Variants in GJC2 observed in about 807,000 individuals in gnomAD.
GJC2 encodes gap junction gamma-2 protein.
For missense variants in GJC2, 647 were observed against 648.9 expected, an observed-to-expected ratio of 1.00 and a Z score of 0.03; for synonymous variants, 336 against 307.5, an observed-to-expected ratio of 1.09 and a Z score of -0.97.
rs1052662598 is a variant in GJC2 at position 228,150,204 on chromosome 1, C to A, written c.-20+197C>A. Among the ~76,000 whole-genome samples the A allele has an allele frequency of 6.6e-6, 1 of 152,126 alleles. No individual in the cohort carries two copies. The highest frequency in any genetic ancestry group is 2.4e-5 in the African/African-American group (1 of 41,416). Reference sequence around the variant, plus strand: ...TGCTCCACGCAGATGGTGGGGTGGCCCCCCCACTCCATGTCTGTGTCCTTC... The same window carrying A: ...TGCTCCACGCAGATGGTGGGGTGGCACCCCCACTCCATGTCTGTGTCCTTC... On this transcript the variant is annotated intron_variant, in intron 1 of 1. Coordinates refer to ENST00000366714, the MANE Select transcript of GJC2 (RefSeq NM_020435.4). The surrounding 1 kb of genome is among the most constrained non-coding windows in gnomAD (Gnocchi z 4.6).
Position 228,159,473 on chromosome 1 carries a change from G to A in GJC2, c.*395G>A, listed in dbSNP as rs764340909. On this transcript the variant is annotated 3_prime_UTR_variant, in exon 2 of 2. Transcript: ENST00000366714. The surrounding 1 kb of genome is among the most constrained non-coding windows in gnomAD (Gnocchi z 4.0). ...TATGGGCATCAGTTGGTGGGGGTGCGGGGGTGCGTGTCCCCATTCCCTGCA... is the reference window on the plus strand; with the variant it reads ...TATGGGCATCAGTTGGTGGGGGTGCAGGGGTGCGTGTCCCCATTCCCTGCA... 5 of 220,878 alleles carry A rather than the reference G, an allele frequency of 2.3e-5. No homozygotes were observed. Among genetic ancestry groups the A allele is most frequent in the Non-Finnish European group, 4.9e-5 (5 of 102,082 alleles). 13.7% of individuals were successfully genotyped at this position (220,878 alleles called of 1,614,324 possible).
In GJC2 at chr1:228,152,816, C is replaced by T. The variant is rs1377604569; in HGVS notation, c.-20+2809C>T. 6.6e-6 allele frequency among the ~76,000 whole-genome samples: 1 copy of T among 152,070 alleles called. No individual in the cohort carries two copies. The highest frequency in any genetic ancestry group is 6.6e-5 in the Admixed American group (1 of 15,264). On this transcript the variant is annotated intron_variant, in intron 1 of 1. Coordinates refer to ENST00000366714, the MANE Select transcript of GJC2 (RefSeq NM_020435.4). The surrounding 1 kb of genome is among the most constrained non-coding windows in gnomAD (Gnocchi z 7.3). The stretch of plus-strand genomic sequence containing the variant: ...CAGCCTTCCCTGAGGCTGACCCTGC[C>T]TCACCACTCCCAGACCTGGGCCAGG...
At position 228,151,339 on chromosome 1, in the gene GJC2, C is replaced by T. The variant is rs2034613864; in HGVS notation, c.-20+1332C>T. Among the ~76,000 whole-genome samples the T allele has an allele frequency of 6.6e-6, 1 of 152,130 alleles. No individual in the cohort carries two copies. Among genetic ancestry groups the T allele is most frequent in the African/African-American group, 2.4e-5 (1 of 41,426 alleles). ...CATTCCTGAGCGCCACACCCATGCT[C>T]TTGGGCTCCTGGGGGTCTGGTCAGT... On this transcript the variant is annotated intron_variant, in intron 1 of 1. Coordinates refer to ENST00000366714, the MANE Select transcript of GJC2 (RefSeq NM_020435.4). This position sits in a 1 kb window ranked among gnomAD's most constrained non-coding sequence, Gnocchi z 5.4.
chr1:228,158,993 A>G lies in GJC2; in HGVS notation c.1235A>G (p.His412Arg). ...GGGGAGCAGGGCCGGCCCGGCACCC[A>G]CGAGCGGCCAGGAGCCAAGCCCAGG... ...TVGEQGRPGT[H>R]ERPGAKPRAG... Residue 412 changes from histidine to arginine, a missense_variant, in exon 2 of 2, where the codon CAC becomes CGC. Physicochemically the swap from His to Arg is conservative, Grantham distance 29. Coordinates refer to ENST00000366714, the MANE Select transcript of GJC2 (RefSeq NM_020435.4). This position sits in a 1 kb window ranked among gnomAD's most constrained non-coding sequence, Gnocchi z 8.3. 8 of 1,604,118 alleles carry G rather than the reference A, an allele frequency of 5.0e-6. No individual in the cohort carries two copies. Among genetic ancestry groups the G allele is most frequent in the Non-Finnish European group, 6.8e-6 (8 of 1,177,212 alleles).
At position 228,157,873 on chromosome 1, in the gene GJC2, A is replaced by G. The variant is rs1360991070; in HGVS notation, c.115A>G (p.Thr39Ala). 45 of 1,611,978 alleles carry G rather than the reference A, an allele frequency of 2.8e-5. No individual in the cohort carries two copies. Among genetic ancestry groups the G allele is most frequent in the South Asian group, 7.7e-5 (7 of 90,810 alleles). Residue 39 changes from threonine to alanine, a missense_variant, in exon 2 of 2, where the codon ACG becomes GCG. By Grantham distance (58) the Thr-to-Ala change is moderately conservative (BLOSUM62 0). Transcript: ENST00000366714. Reference sequence around the variant, plus strand: ...GCTGGTGGTCTTCCGCATCGTGCTGACGGCTGTGGGCGGCGAGGCCATCTA... The same window carrying G: ...GCTGGTGGTCTTCCGCATCGTGCTGGCGGCTGTGGGCGGCGAGGCCATCTA... Reference protein sequence around the residue: ...TVLVVFRIVLTAVGGEAIYSD... With the variant: ...TVLVVFRIVLAAVGGEAIYSD...
Position 228,159,315 on chromosome 1 carries a change from G to A in GJC2, c.*237G>A. 1 of 578,374 alleles carries A rather than the reference G, an allele frequency of 1.7e-6. No homozygotes were observed. 35.8% of individuals were successfully genotyped at this position (578,374 alleles called of 1,614,324 possible). On this transcript the variant is annotated 3_prime_UTR_variant, in exon 2 of 2. Coordinates refer to ENST00000366714, the MANE Select transcript of GJC2 (RefSeq NM_020435.4). This position sits in a 1 kb window ranked among gnomAD's most constrained non-coding sequence, Gnocchi z 4.0. ...GCCTAGGAGCCAGAAAGGGCCCTCT[G>A]CTGTGGTCTGAACCCCAGGGGGAGT... is the stretch of plus-strand genomic sequence containing the variant.
At chr1:228,153,685 C>T (rs148018843) in intron 1 of GJC2, among the ~76,000 whole-genome samples, 1,912 of 150,290 alleles carry the variant, frequency 0.013, 43 homozygotes, top group Admixed American at 0.05. Context: ...CAGGTTCAAG[C>T]GATTCTCCTG....
In GJC2 at chr1:228,151,500, G is replaced by A. The variant is rs1464648388; in HGVS notation, c.-20+1493G>A. On this transcript the variant is annotated intron_variant, in intron 1 of 1. Coordinates refer to ENST00000366714, the MANE Select transcript of GJC2 (RefSeq NM_020435.4). This position sits in a 1 kb window ranked among gnomAD's most constrained non-coding sequence, Gnocchi z 5.4. ...ACGTGGTGAGGTTGAGTCTGAATAGGGAGGGTTCATGGCTATGTGTGAGAG... is the reference window on the plus strand; with the variant it reads ...ACGTGGTGAGGTTGAGTCTGAATAGAGAGGGTTCATGGCTATGTGTGAGAG... Among the ~76,000 whole-genome samples, 1 of 152,120 alleles carries A rather than the reference G, an allele frequency of 6.6e-6. No homozygotes were observed. The highest frequency in any genetic ancestry group is 1.5e-5 in the Non-Finnish European group (1 of 68,004).
rs531274249 is a variant in GJC2 at position 228,159,178 on chromosome 1, C to G, written c.*100C>G. ...CTCAGCCTTCTCCTTAGCCGGTGGC[C>G]TCAGGCAGACTCTGCCCAGAGGGGC... On this transcript the variant is annotated 3_prime_UTR_variant, in exon 2 of 2. Coordinates refer to ENST00000366714, the MANE Select transcript of GJC2 (RefSeq NM_020435.4). The surrounding 1 kb of genome is among the most constrained non-coding windows in gnomAD (Gnocchi z 4.0). 7.4e-7 allele frequency: 1 copy of G among 1,351,540 alleles called. No individual in the cohort carries two copies. The highest frequency in any genetic ancestry group is 1.5e-5 in the African/African-American group (1 of 68,730). 83.7% of individuals were successfully genotyped at this position (1,351,540 alleles called of 1,614,324 possible).
rs1343712893 is a variant in GJC2, at chr1:228,152,885, G to A, written c.-20+2878G>A. ...CCTCCTGTGGTCACCCCCCTACCTC[G>A]CCCTGACACCTTACTAACCCCAGCA... is the stretch of plus-strand genomic sequence containing the variant. On this transcript the variant is annotated intron_variant, in intron 1 of 1. Coordinates refer to ENST00000366714, the MANE Select transcript of GJC2 (RefSeq NM_020435.4). This position sits in a 1 kb window ranked among gnomAD's most constrained non-coding sequence, Gnocchi z 7.3. Among the ~76,000 whole-genome samples, 1 of 151,930 alleles carries A rather than the reference G, an allele frequency of 6.6e-6. No homozygotes were observed.
Position 228,158,591 on chromosome 1 carries a change from G to A in GJC2, c.833G>A (p.Cys278Tyr), listed in dbSNP as rs1429632560. The A allele has an allele frequency of 6.2e-7, 1 of 1,611,870 alleles. No individual in the cohort carries two copies. The highest frequency in any genetic ancestry group is 2.2e-5 in the East Asian group (1 of 44,828). The change falls in exon 2 of 2, where the codon TGC becomes TAC. Residue 278 changes from cysteine to tyrosine, a missense_variant. By Grantham distance (194) the Cys-to-Tyr change is radical. Coordinates refer to ENST00000366714, the MANE Select transcript of GJC2 (RefSeq NM_020435.4). This position sits in a 1 kb window ranked among gnomAD's most constrained non-coding sequence, Gnocchi z 8.3. ...GTTATGTACGTGGTCAGCTGCCTGT[G>A]CCTGCTGCTCAACCTCTGTGAGATG... ...LLVMYVVSCL[C>Y]LLLNLCEMAH...
At chr1:228,156,806 C>A (rs530177045) in intron 1 of GJC2, among the ~76,000 whole-genome samples, 1 of 152,374 alleles carries the variant, frequency 6.6e-6, no homozygotes, top group South Asian at 2.1e-4. Flanking sequence ...TTCTTTGGAG[C>A]ACAGGCCCTG....
At chr1:228,156,309 T>G (rs895354010) in intron 1 of GJC2, among the ~76,000 whole-genome samples, 1 of 152,270 alleles carries the variant, frequency 6.6e-6, no homozygotes, top group African/African-American at 2.4e-5. Flanking sequence ...CCTGTGGATG[T>G]ACACATACAT....
rs2034711247 is a variant in GJC2 at position 228,158,118 on chromosome 1, A to C, written c.360A>C (p.Pro120=). ...GCGCCCTCCGCCGCCGCCCGGGGCC[A>C]CGCCGCGCGCCCCGAGCGCACCTGC... is the stretch of plus-strand genomic sequence containing the variant. The part of the protein sequence containing the change: ...RRRALRRRPG[P]RRAPRAHLPP... The change falls in exon 2 of 2, where the codon CCA becomes CCC. Residue 120 remains proline, a synonymous_variant. Coordinates refer to ENST00000366714, the MANE Select transcript of GJC2 (RefSeq NM_020435.4). This position sits in a 1 kb window ranked among gnomAD's most constrained non-coding sequence, Gnocchi z 8.3. The C allele has an allele frequency of 9.5e-6, 12 of 1,257,306 alleles. No homozygotes were observed. In the South Asian group the frequency reaches 2.0e-4, roughly 21 times the overall value. 77.9% of individuals were successfully genotyped at this position (1,257,306 alleles called of 1,614,324 possible).
rs2034744137 is a variant in GJC2 at position 228,159,685 on chromosome 1, GGGT to G, written c.*614_*616del. ...ATATGCCTTGCAGCTTGGACCCAAT[GGGT>G]GGTGGTCAGGGCCTGGGGGCTTGGC... On this transcript the variant is annotated 3_prime_UTR_variant, in exon 2 of 2. Transcript: ENST00000366714. The surrounding 1 kb of genome is among the most constrained non-coding windows in gnomAD (Gnocchi z 4.0). The G allele has an allele frequency of 6.0e-6, 1 of 167,582 alleles. No homozygotes were observed. The highest frequency in any genetic ancestry group is 1.5e-5 in the Non-Finnish European group (1 of 68,512). The allele number at this position is 167,582 out of a possible 1,614,324, so 10.4% of individuals were successfully genotyped here.
rs893684033 is a variant in GJC2 at position 228,151,490 on chromosome 1, G to C, written c.-20+1483G>C. Among the ~76,000 whole-genome samples the C allele has an allele frequency of 1.3e-5, 2 of 152,138 alleles. No individual in the cohort carries two copies. Among genetic ancestry groups the C allele is most frequent in the Admixed American group, 1.3e-4 (2 of 15,278 alleles). ...TGAGGGAGGCACGTGGTGAGGTTGA[G>C]TCTGAATAGGGAGGGTTCATGGCTA... On this transcript the variant is annotated intron_variant, in intron 1 of 1. Transcript: ENST00000366714. This position sits in a 1 kb window ranked among gnomAD's most constrained non-coding sequence, Gnocchi z 5.4.
rs531274217 is a variant in GJC2, at chr1:228,151,577, G to A, written c.-20+1570G>A. Among the ~76,000 whole-genome samples, 5 of 152,308 alleles carry A rather than the reference G, an allele frequency of 3.3e-5. No individual in the cohort carries two copies. In the South Asian group the frequency reaches 1.0e-3, roughly 32 times the overall value. On this transcript the variant is annotated intron_variant, in intron 1 of 1. Transcript: ENST00000366714. The surrounding 1 kb of genome is among the most constrained non-coding windows in gnomAD (Gnocchi z 5.4). ...GAGCTCGAGCAGCAGTGTGCATGTG[G>A]CAGTGTGCACTGCTTGTGTGTGGGG...
Position 228,158,947 on chromosome 1 carries a change from G to A in GJC2, c.1189G>A (p.Ala397Thr), listed in dbSNP as rs1252652276. ...CGCCCCCGCGTCCCGGACGGGCAGT[G>A]CTACCTCTGCGGGCACTGTCGGGGA... ...AGAPASRTGSATSAGTVGEQG... is the reference protein window; with the variant it reads ...AGAPASRTGSTTSAGTVGEQG... Residue 397 changes from alanine to threonine, a missense_variant, in exon 2 of 2, where the codon GCT becomes ACT. Physicochemically the swap from Ala to Thr is moderately conservative, Grantham distance 58. Transcript: ENST00000366714. The surrounding 1 kb of genome is among the most constrained non-coding windows in gnomAD (Gnocchi z 8.3). The A allele has an allele frequency of 6.4e-7, 1 of 1,568,804 alleles. No homozygotes were observed. Among genetic ancestry groups the A allele is most frequent in the Non-Finnish European group, 8.6e-7 (1 of 1,160,102 alleles).
In GJC2 at chr1:228,159,340, T is replaced by A. The variant is rs1376033538; in HGVS notation, c.*262T>A. 9.4e-6 allele frequency: 5 copies of A among 533,602 alleles called. No homozygotes were observed. The highest frequency in any genetic ancestry group is 1.4e-5 in the Non-Finnish European group (4 of 291,036). The allele number at this position is 533,602 out of a possible 1,614,324, so 33.1% of individuals were successfully genotyped here. A position where few individuals can be genotyped will look rare whatever the true frequency, so the allele number is the denominator to read the frequency against. ...GCTGTGGTCTGAACCCCAGGGGGAGTGGGGCATTGACTCCACCCCTGTCCT... is the reference window on the plus strand; with the variant it reads ...GCTGTGGTCTGAACCCCAGGGGGAGAGGGGCATTGACTCCACCCCTGTCCT... On this transcript the variant is annotated 3_prime_UTR_variant, in exon 2 of 2. Coordinates refer to ENST00000366714, the MANE Select transcript of GJC2 (RefSeq NM_020435.4). The surrounding 1 kb of genome is among the most constrained non-coding windows in gnomAD (Gnocchi z 4.0).
Sources: allele counts gnomAD v4.1 joint callset (sites outside exome capture counted in the v4.1 genomes callset), GRCh38; gene constraint gnomAD v4.1.1; non-coding constraint Gnocchi (gnomAD v3.1); transcripts MANE v1.5; gene names NCBI Gene and HGNC (gene_info 2026-07-23, HGNC 2026-07-21).